The following DEPDC1B variants were observed in gnomAD, a reference collection of about 807,000 sequenced individuals.
The protein encoded by DEPDC1B is DEP domain-containing protein 1B.
In DEPDC1B, 51 loss-of-function variants were observed where a neutral mutation model predicts 66.5. The observed-to-expected ratio is 0.77, with a 90% CI of 0.61 to 0.97. DEPDC1B has a LOEUF of 0.97. Among genes scored for constraint, DEPDC1B ranks in the 50% least tolerant of loss-of-function variants. The pLI, the probability that DEPDC1B is intolerant of heterozygous loss-of-function variation, is 0.00. For missense variants in DEPDC1B, 552 were observed against 637.1 expected (o/e 0.87, Z 1.44); for synonymous variants, 226 against 223.6 (o/e 1.01, Z -0.10).
At chr5:60,691,760 G>A (rs190932168) in intron 1 of DEPDC1B, among the ~76,000 whole-genome samples, 4 of 152,116 alleles carry the variant, frequency 2.6e-5, no homozygotes, top group Admixed American at 6.5e-5. Context: ...AAAAGAACTC[G>A]ACAAGTCAAT....
At chr5:60,659,603 G>A (rs1461113368) in intron 2 of DEPDC1B, among the ~76,000 whole-genome samples, 1 of 152,226 alleles carries the variant, frequency 6.6e-6, no homozygotes, top group Admixed American at 6.5e-5. Context: ...GCATTAGCCA[G>A]TTGAGATCAC....
Position 60,692,214 on chromosome 5 carries a change from G to A in DEPDC1B, c.49-4987C>T, listed in dbSNP as rs529446896. Among the ~76,000 whole-genome samples the A allele has an allele frequency of 2.0e-4, 31 of 152,206 alleles. No homozygotes were observed. The East Asian group carries it at 5.0e-3, about 25-fold the overall frequency. On this transcript the variant is annotated intron_variant, in intron 1 of 10. Coordinates refer to ENST00000265036, the MANE Select transcript of DEPDC1B (RefSeq NM_018369.3). ...GGGAACGGGGAGATAATGGTCAAAA[G>A]GTACAAAGCCTCAACTAGACAGGAA...
chr5:60,687,061 G>C lies in DEPDC1B; in HGVS notation c.215C>G (p.Thr72Arg), dbSNP rs781762834. 6.2e-7 allele frequency: 1 copy of C among 1,614,038 alleles called. No individual in the cohort carries two copies. The highest frequency in any genetic ancestry group is 1.7e-5 in the Admixed American group (1 of 59,998). ...NFGPEVTRKQ[T>R]VQLLKKFLKN... is the part of the protein sequence containing the mutation. ...CAGGAATTTTTTTAGCAGCTGGACCGTTTGTTTGCGGGTCACTTCAGGGCC... is the reference window on the plus strand; with the variant it reads ...CAGGAATTTTTTTAGCAGCTGGACCCTTTGTTTGCGGGTCACTTCAGGGCC... Residue 72 changes from threonine (T) to arginine (R), a missense_variant, in exon 2 of 11, where the codon ACG (threonine) becomes AGG (arginine). By Grantham distance (71) the Thr-to-Arg change is moderately conservative. Transcript: ENST00000265036.
chr5:60,669,479 A>G (rs995378679), intron 2 of DEPDC1B, among the ~76,000 whole-genome samples: 2 of 152,116 alleles, frequency 1.3e-5, no homozygotes, highest in Non-Finnish European at 2.9e-5. Flanking sequence ...TGAGACTACT[A>G]TTTCCCAGAA....
intron 7 of DEPDC1B, chr5:60,628,825 T>C (rs1752858087): frequency 6.6e-6 from 1 of 152,224 alleles, no homozygotes; most frequent in Non-Finnish European, 1.5e-5. Flanking sequence ...AAATATCAAC[T>C]GTATTTTATA....
chr5:60,642,583 G>A (rs1753213426), intron 6 of DEPDC1B, among the ~76,000 whole-genome samples: 1 of 152,124 alleles, frequency 6.6e-6, no homozygotes, highest in Non-Finnish European at 1.5e-5. Flanking sequence ...AACTAGTGTG[G>A]ATGGATCTAC....
chr5:60,614,774 T>A (rs914516425), intron 7 of DEPDC1B, among the ~76,000 whole-genome samples: 1 of 152,162 alleles, frequency 6.6e-6, no homozygotes, highest in African/African-American at 2.4e-5. Flanking sequence ...GTGGATCACC[T>A]GAGGTCAGGA....
chr5:60,660,514 C>G (rs952932266), intron 2 of DEPDC1B, among the ~76,000 whole-genome samples: 1 of 152,112 alleles, frequency 6.6e-6, no homozygotes, highest in African/African-American at 2.4e-5. Context: ...CACTGACAAC[C>G]CACAGCCTTC....
intron 2 of DEPDC1B, among the ~76,000 whole-genome samples, chr5:60,686,742 T>G (rs377198066): frequency 5.8e-4 from 88 of 152,342 alleles, no homozygotes; most frequent in South Asian, 1.7e-3. Context: ...GAAACATCAC[T>G]GCAACAAAAC....
rs778853454 is a variant in DEPDC1B at position 60,645,624 on chromosome 5, TG to T, written c.451-6del. ...CTTGTACCACATCTCAGAATTCTAA[TG>T]GAGGGGGGATGTAAGAAGGGAGGGA... On this transcript the variant is annotated splice_region_variant and splice_polypyrimidine_tract_variant and intron_variant, in intron 3 of 10. Coordinates refer to ENST00000265036, the MANE Select transcript of DEPDC1B (RefSeq NM_018369.3). The T allele has an allele frequency of 4.4e-6, 7 of 1,603,944 alleles. No homozygotes were observed. In the East Asian group the frequency reaches 1.6e-4, roughly 36 times the overall value.
At chr5:60,661,200 A>G (rs767583561) in intron 2 of DEPDC1B, among the ~76,000 whole-genome samples, 2 of 152,222 alleles carry the variant, frequency 1.3e-5, no homozygotes, top group Non-Finnish European at 2.9e-5. Context: ...ACCCCAGAGC[A>G]CAAAGGCAAT....
rs531311638 is a variant in DEPDC1B at position 60,617,102 on chromosome 5, C to A, written c.899-11246G>T. Reference sequence around the variant, plus strand: ...AAGCAAATGCTGAGAGATTTTGTCACCACCAGGCCTGCCCTAAAAGAGCTC... The same window carrying A: ...AAGCAAATGCTGAGAGATTTTGTCAACACCAGGCCTGCCCTAAAAGAGCTC... On this transcript the variant is annotated intron_variant, in intron 7 of 10. Coordinates refer to ENST00000265036, the MANE Select transcript of DEPDC1B (RefSeq NM_018369.3). 7.2e-5 allele frequency among the ~76,000 whole-genome samples: 11 copies of A among 152,266 alleles called. No individual in the cohort carries two copies. The South Asian group carries it at 2.3e-3, about 32-fold the overall frequency.
chr5:60,676,293 A>G (rs957624987), intron 2 of DEPDC1B, among the ~76,000 whole-genome samples: 4 of 151,312 alleles, frequency 2.6e-5, no homozygotes, highest in African/African-American at 9.7e-5. Flanking sequence ...GGCCTTAAAA[A>G]TCCTGTAGCA....
chr5:60,646,898 G>T (rs1475935732), intron 3 of DEPDC1B, among the ~76,000 whole-genome samples: 1 of 152,106 alleles, frequency 6.6e-6, no homozygotes, highest in Non-Finnish European at 1.5e-5. Context: ...AGAATCTAAT[G>T]CCTGATGATC....
At chr5:60,638,320 A>C (rs1318108079) in intron 7 of DEPDC1B, among the ~76,000 whole-genome samples, 1 of 152,216 alleles carries the variant, frequency 6.6e-6, no homozygotes. Context: ...ATTACAAAAT[A>C]CTACAAAAAA....
chr5:60,599,751 G>C (rs1752166763), intron 9 of DEPDC1B, among the ~76,000 whole-genome samples: 1 of 152,190 alleles, frequency 6.6e-6, no homozygotes, highest in Non-Finnish European at 1.5e-5. Flanking sequence ...CAGATAACTA[G>C]CCAGAGCTCT....
At chr5:60,635,257 A>C (rs564813685) in intron 7 of DEPDC1B, among the ~76,000 whole-genome samples, 11 of 152,300 alleles carry the variant, frequency 7.2e-5, no homozygotes, top group African/African-American at 2.6e-4. Context: ...AGGGACCCTG[A>C]CATAACTTGA....
intron 7 of DEPDC1B, chr5:60,628,125 C>T (rs770931342): frequency 6.6e-6 from 1 of 152,208 alleles, no homozygotes; most frequent in Non-Finnish European, 1.5e-5. Flanking sequence ...ATTTAACACT[C>T]AAGGAAACCC....
chr5:60,612,746 C>A (rs907798971), intron 7 of DEPDC1B, among the ~76,000 whole-genome samples: 1 of 150,072 alleles, frequency 6.7e-6, no homozygotes, highest in African/African-American at 2.5e-5. Flanking sequence ...GTGCTATAGC[C>A]GTTCTTGTAA....
Sources: allele counts gnomAD v4.1 joint callset (sites outside exome capture counted in the v4.1 genomes callset), GRCh38; gene constraint gnomAD v4.1.1; transcripts MANE v1.5; gene names NCBI Gene and HGNC (gene_info 2026-07-23, HGNC 2026-07-21).